Variants in HECW1 observed in about 807,000 individuals in gnomAD.
HECW1 encodes HECT, C2 and WW domain containing E3 ubiquitin protein ligase 1.
Under a neutral mutation model 182.3 loss-of-function variants are expected in HECW1, and 61 were observed. The observed-to-expected ratio is 0.33, with a 90% CI of 0.27 to 0.41. The LOEUF is 0.41. Among genes scored for constraint, HECW1 ranks in the 10% least tolerant of loss-of-function variants. The pLI, the probability that HECW1 is intolerant of heterozygous loss-of-function variation, is 1.00. For missense variants in HECW1, 1,739 were observed against 2,108.9 expected (o/e 0.82, Z 3.44); for synonymous variants, 859 against 832.6 (o/e 1.03, Z -0.55).
chr7:43,506,837 C>T (rs1227791158), intron 21 of HECW1, among the ~76,000 whole-genome samples: 4 of 152,012 alleles, frequency 2.6e-5, no homozygotes, highest in South Asian at 4.1e-4. Flanking sequence ...GAGGCCAAGG[C>T]GGGTGAATCA....
intron 2 of HECW1, among the ~76,000 whole-genome samples, chr7:43,232,803 G>C (rs1339552348): frequency 6.6e-6 from 1 of 152,238 alleles, no homozygotes; most frequent in Non-Finnish European, 1.5e-5. Context: ...CTCCAGAAGA[G>C]AGAAGACTTT....
chr7:43,542,684 T>C (rs1357885588), intron 26 of HECW1, among the ~76,000 whole-genome samples: 2 of 152,172 alleles, frequency 1.3e-5, no homozygotes, highest in Non-Finnish European at 2.9e-5. Flanking sequence ...CCCTGCTGTA[T>C]AGATCAATTC....
rs2075779545 is a variant in HECW1, at chr7:43,410,901, A to G, written c.801+3170A>G. On this transcript the variant is annotated intron_variant, in intron 8 of 29. Coordinates refer to ENST00000395891, the MANE Select transcript of HECW1 (RefSeq NM_015052.5). Reference sequence around the variant, plus strand: ...ATTGCTTTTTTTCTCTTTGTTTGTTAACCAATCTAAATATGGGTTTATTAA... The same window carrying G: ...ATTGCTTTTTTTCTCTTTGTTTGTTGACCAATCTAAATATGGGTTTATTAA... Among the ~76,000 whole-genome samples, 6 of 152,160 alleles carry G rather than the reference A, an allele frequency of 3.9e-5. No individual in the cohort carries two copies. The South Asian group carries it at 1.2e-3, about 32-fold the overall frequency.
intron 2 of HECW1, among the ~76,000 whole-genome samples, chr7:43,218,622 C>T (rs1796654576): frequency 6.6e-6 from 1 of 152,108 alleles, no homozygotes; most frequent in Non-Finnish European, 1.5e-5. Flanking sequence ...ACATTTATAC[C>T]TAGGGTGTTT....
intron 2 of HECW1, among the ~76,000 whole-genome samples, chr7:43,240,281 T>C (rs1173666554): frequency 2.6e-5 from 4 of 152,042 alleles, no homozygotes; most frequent in African/African-American, 9.7e-5. Flanking sequence ...GAGCTTGCAG[T>C]GAGCCGAGAT....
rs200182230 is a variant in HECW1 at position 43,202,443 on chromosome 7, TATAAG to T, written c.-31-41429_-31-41425del. 4.3e-3 allele frequency among the ~76,000 whole-genome samples: 653 copies of T among 151,944 alleles called. 19 individuals are homozygous for T. Among genetic ancestry groups the T allele is most frequent in the East Asian group, 4.0e-3 (21 of 5,186 alleles). On this transcript the variant is annotated intron_variant, in intron 2 of 29. Transcript: ENST00000395891. ...TACATTCATATGCATACATAATTAT[TATAAG>T]ATTATAATCATAAAATTTTTCTCCT...
intron 3 of HECW1, among the ~76,000 whole-genome samples, chr7:43,306,760 C>G (rs1807619372): frequency 6.6e-6 from 1 of 152,042 alleles, no homozygotes; most frequent in African/African-American, 2.4e-5. Flanking sequence ...ACTGACAGAG[C>G]AGAATCTTTT....
intron 7 of HECW1, among the ~76,000 whole-genome samples, chr7:43,405,920 T>C (rs2075594785): frequency 1.3e-5 from 2 of 152,344 alleles, no homozygotes; most frequent in South Asian, 4.1e-4. Context: ...TTTTCTTTCA[T>C]TGGCAATTGT....
At chr7:43,390,364 C>T (rs78940571) in intron 6 of HECW1, among the ~76,000 whole-genome samples, 18,355 of 151,830 alleles carry the variant, frequency 0.12, 1,286 homozygotes, top group Middle Eastern at 0.29. Context: ...CATAGTGAGA[C>T]CCCGTTCCTA....
At chr7:43,404,327 GAA>G (rs2075531304) in intron 7 of HECW1, among the ~76,000 whole-genome samples, 1 of 152,196 alleles carries the variant, frequency 6.6e-6, no homozygotes, top group Non-Finnish European at 1.5e-5. Context: ...CTCTTGAGTA[GAA>G]GTCTCCGTTT....
intron 24 of HECW1, among the ~76,000 whole-genome samples, chr7:43,514,199 T>C (rs1383152975): frequency 1.3e-5 from 2 of 152,158 alleles, no homozygotes; most frequent in Non-Finnish European, 2.9e-5. Context: ...ATTCAACCCA[T>C]CCACCAGAAA....
intron 9 of HECW1, among the ~76,000 whole-genome samples, chr7:43,440,886 G>A (rs201681339): frequency 1.2e-4 from 1 of 8,354 alleles, no homozygotes; most frequent in African/African-American, 2.2e-4. Context: ...TTTTTAAGTC[G>A]GGGCTTGTTG....
chr7:43,459,006 C>A (rs1172557827), intron 13 of HECW1, among the ~76,000 whole-genome samples: 2 of 152,230 alleles, frequency 1.3e-5, no homozygotes, highest in East Asian at 3.8e-4. Context: ...CATGTTCCAA[C>A]TCAGCCATTC....
chr7:43,439,210 AT>A (rs2076801711), intron 9 of HECW1: 1 of 152,206 alleles, frequency 6.6e-6, no homozygotes, highest in African/African-American at 2.4e-5. Context: ...AGAAAATGGT[AT>A]TCCTTGTGAT....
chr7:43,189,935 T>C (rs2152682606), intron 2 of HECW1, among the ~76,000 whole-genome samples: 1 of 152,334 alleles, frequency 6.6e-6, no homozygotes, highest in East Asian at 1.9e-4. Context: ...TGTATTGTTT[T>C]GTTTTCTAAG....
At chr7:43,368,849 A>T (rs1389585891) in intron 6 of HECW1, among the ~76,000 whole-genome samples, 1 of 152,210 alleles carries the variant, frequency 6.6e-6, no homozygotes, top group Non-Finnish European at 1.5e-5. Context: ...GCCAAATAGC[A>T]TTCTGTGATC....
intron 21 of HECW1, among the ~76,000 whole-genome samples, chr7:43,501,835 A>C (rs1483134002): frequency 6.6e-6 from 1 of 152,192 alleles, no homozygotes; most frequent in East Asian, 1.9e-4. Flanking sequence ...TATCTAAAAA[A>C]AAATAAAAAA....
At chr7:43,531,081 A>G (rs2152947097) in intron 24 of HECW1, among the ~76,000 whole-genome samples, 1 of 152,310 alleles carries the variant, frequency 6.6e-6, no homozygotes, top group Admixed American at 6.5e-5. Context: ...TGCTCTAGTA[A>G]TCATGAATTG....
chr7:43,516,568 G>A (rs949854774), intron 24 of HECW1, among the ~76,000 whole-genome samples: 4 of 152,032 alleles, frequency 2.6e-5, no homozygotes, highest in Admixed American at 2.6e-4. Context: ...ACTTTTCCTG[G>A]AGCAAATCTG....
Sources: allele counts gnomAD v4.1 joint callset (sites outside exome capture counted in the v4.1 genomes callset), GRCh38; gene constraint gnomAD v4.1.1; transcripts MANE v1.5; gene names NCBI Gene and HGNC (gene_info 2026-07-23, HGNC 2026-07-21).